SCN1A: variants seen among roughly 807,000 people sequenced by gnomAD.
SCN1A encodes sodium channel protein type 1 subunit alpha.
Under a neutral mutation model 193.7 loss-of-function variants are expected in SCN1A, and 13 were observed. The observed-to-expected ratio is 0.07, with a 90% CI of 0.04 to 0.11. The LOEUF (loss-of-function observed/expected upper bound fraction) is 0.11, where lower values mean the gene tolerates loss of function less well. Ranked by LOEUF, SCN1A falls within the 10% of genes least tolerant of loss-of-function variation. SCN1A has a pLI of 1.00. For missense variants in SCN1A, 1,432 were observed against 2,451.1 expected, an observed-to-expected ratio of 0.58 and a Z score of 8.78; for synonymous variants, 781 against 843.6, an observed-to-expected ratio of 0.93 and a Z score of 1.29.
chr2:166,009,703 CTTTCA>C lies in SCN1A; in HGVS notation c.4002+11_4002+15del. 6.2e-7 allele frequency: 1 copy of C among 1,600,192 alleles called. No homozygotes were observed. Among genetic ancestry groups the C allele is most frequent in the Non-Finnish European group, 8.5e-7 (1 of 1,171,644 alleles). ...TTGGCTATATACAATACTTCAGGTT[CTTTCA>C]TTTTTCTTACCCTCATCCCTTCAAA... On this transcript the variant is annotated intron_variant, in intron 23 of 28. Transcript: ENST00000674923.
Position 166,041,478 on chromosome 2 carries a change from A to AC in SCN1A, c.2177-10_2177-9insG, listed in dbSNP as rs1553543440. 1.6e-5 allele frequency: 22 copies of AC among 1,395,078 alleles called. No individual in the cohort carries two copies. Among genetic ancestry groups the AC allele is most frequent in the East Asian group, 1.5e-4 (6 of 40,854 alleles). 86.4% of individuals were successfully genotyped at this position (1,395,078 alleles called of 1,614,324 possible). A position where few individuals can be genotyped will look rare whatever the true frequency, so the allele number is the denominator to read the frequency against. ...CCTGGATTCTTCAAGTTCTAGATTAAGAAAAAAAAAAAAAAGAACCACCAA... is the reference window on the plus strand; with the variant it reads ...CCTGGATTCTTCAAGTTCTAGATTAACGAAAAAAAAAAAAAAGAACCACCAA... On this transcript the variant is annotated splice_polypyrimidine_tract_variant and intron_variant, in intron 15 of 28. Coordinates refer to ENST00000674923, the MANE Select transcript of SCN1A (RefSeq NM_001165963.4).
chr2:166,144,334 A>T (rs1258682585), intron 1 of SCN1A, among the ~76,000 whole-genome samples: 1 of 152,202 alleles, frequency 6.6e-6, no homozygotes, highest in East Asian at 1.9e-4. Flanking sequence ...CTGGGTCATC[A>T]GTGTGGTACC....
At chr2:166,008,304 T>C (rs920689603) in intron 23 of SCN1A, among the ~76,000 whole-genome samples, 3 of 151,212 alleles carry the variant, frequency 2.0e-5, no homozygotes, top group African/African-American at 7.3e-5. Context: ...TTTCAAATGG[T>C]CAAATGTAAA....
At chr2:166,011,154 T>G (rs1692389455) in intron 22 of SCN1A, among the ~76,000 whole-genome samples, 1 of 151,176 alleles carries the variant, frequency 6.6e-6, no homozygotes, top group South Asian at 2.1e-4. Flanking sequence ...CATTGTTAAG[T>G]TTTTTAAATA....
chr2:166,047,514 C>T (rs182808287), intron 11 of SCN1A, 113 bp downstream of exon 11: 1,699 of 1,187,324 alleles, frequency 1.4e-3, no homozygotes, highest in Non-Finnish European at 2.0e-3. Flanking sequence ...ACTCAAGTCT[C>T]GTTTCAAGTT....
At chr2:166,115,855 A>C (rs1298594087) in intron 2 of SCN1A, among the ~76,000 whole-genome samples, 2 of 152,220 alleles carry the variant, frequency 1.3e-5, no homozygotes, top group Non-Finnish European at 1.5e-5. Flanking sequence ...AAGACAGGGG[A>C]ATAAGCACAA....
At chr2:166,130,380 T>C (rs1216012055), upstream of SCN1A, among the ~76,000 whole-genome samples, 1 of 152,214 alleles carries the variant, frequency 6.6e-6, no homozygotes, top group Non-Finnish European at 1.5e-5. Context: ...GAGTTTACAT[T>C]GACATGTCAG....
chr2:166,116,614 TCAAATTCATCA>T (rs1689898156), intron 2 of SCN1A, among the ~76,000 whole-genome samples: 1 of 2,840 alleles, frequency 3.5e-4, no homozygotes, highest in East Asian at 0.023. Context: ...TGATGAATTA[TCAAATTCATCA>T]GATTCAGTGT....
At chr2:166,103,447 T>C (rs2106156588) in intron 2 of SCN1A, among the ~76,000 whole-genome samples, 1 of 133,940 alleles carries the variant, frequency 7.5e-6, no homozygotes. Context: ...CAAGACTCTG[T>C]CTTAAATAAA....
Position 166,044,001 on chromosome 2 carries a change from T to C in SCN1A, c.1711A>G (p.Arg571Gly). Residue 571 changes from arginine (R) to glycine (G), a missense_variant, in exon 14 of 29, where the codon AGA becomes GGA. By Grantham distance (125) the Arg-to-Gly change is moderately radical. Transcript: ENST00000674923. ...CCTCTAAAGCTGAAAAGGCTTGTTCTGCTATTTCGCCTTGGTGAAAATAGG... is the reference window on the plus strand; with the variant it reads ...CCTCTAAAGCTGAAAAGGCTTGTTCCGCTATTTCGCCTTGGTGAAAATAGG... ...GSLFSPRRNS[R>G]TSLFSFRGRA... 6.2e-7 allele frequency: 1 copy of C among 1,614,190 alleles called. No homozygotes were observed. Among genetic ancestry groups the C allele is most frequent in the Non-Finnish European group, 8.5e-7 (1 of 1,180,018 alleles).
upstream of SCN1A, among the ~76,000 whole-genome samples, chr2:166,128,205 A>G (rs945174062): frequency 6.6e-6 from 1 of 151,918 alleles, no homozygotes; most frequent in African/African-American, 2.4e-5. Context: ...ATCTCCCAGT[A>G]TTGCTTCTCC....
At chr2:166,145,106 G>T (rs1237559371) in intron 1 of SCN1A, among the ~76,000 whole-genome samples, 2 of 150,222 alleles carry the variant, frequency 1.3e-5, no homozygotes, top group African/African-American at 4.9e-5. Context: ...AAAGTGTTGG[G>T]ATTACAGGCG....
chr2:166,110,461 T>G (rs1689173532), intron 2 of SCN1A, among the ~76,000 whole-genome samples: 1 of 152,116 alleles, frequency 6.6e-6, no homozygotes, highest in Non-Finnish European at 1.5e-5. Context: ...ATGAAGAAAG[T>G]CTGAACAAAA....
Position 166,082,932 on chromosome 2 carries a change from A to T in SCN1A, c.-141-5131T>A, listed in dbSNP as rs74835477. On this transcript the variant is annotated intron_variant, in intron 2 of 28. Transcript: ENST00000674923. ...CATCTCCTTGTAAAGAGCTATTACT[A>T]TTCTGGGGACATAAACCATCTGGGC... is the stretch of plus-strand genomic sequence containing the variant. Among the ~76,000 whole-genome samples the T allele has an allele frequency of 5.1e-3, 772 of 152,198 alleles. 10 individuals are homozygous for T. The highest frequency in any genetic ancestry group is 0.017 in the African/African-American group (697 of 41,570).
intron 5 of SCN1A, 79 bp from the exon 6 acceptor site, chr2:166,056,579 C>T: frequency 9.9e-7 from 1 of 1,009,892 alleles, no homozygotes; most frequent in East Asian, 2.4e-5. Context: ...TTGAAAAGCC[C>T]AAACTGCAGC....
intron 17 of SCN1A, among the ~76,000 whole-genome samples, chr2:166,038,380 A>G (rs948832309): frequency 2.7e-5 from 4 of 150,686 alleles, no homozygotes; most frequent in Non-Finnish European, 4.4e-5. Context: ...TTCTTTTGTC[A>G]CCCAGGCGGG....
downstream of SCN1A, chr2:165,985,280 G>A (rs1688541525): frequency 6.7e-6 from 1 of 149,198 alleles, no homozygotes; most frequent in South Asian, 2.1e-4. Context: ...AAGGAAGGAA[G>A]GAGAGGGAGA....
At position 166,044,111 on chromosome 2, in the gene SCN1A, C is replaced by T. The variant is rs1002079328; in HGVS notation, c.1663-62G>A. On this transcript the variant is annotated intron_variant, in intron 13 of 28. Coordinates refer to ENST00000674923, the MANE Select transcript of SCN1A (RefSeq NM_001165963.4). ...TAATATGGACATTTGAATGTGATTTCATTTTGCAAGATTATGTAGAAGGAG... is the reference window on the plus strand; with the variant it reads ...TAATATGGACATTTGAATGTGATTTTATTTTGCAAGATTATGTAGAAGGAG... The T allele has an allele frequency of 6.4e-6, 10 of 1,571,652 alleles. No homozygotes were observed. The African/African-American group carries it at 9.5e-5, about 15-fold the overall frequency.
At chr2:166,035,581 C>T (rs1016065681) in intron 19 of SCN1A, among the ~76,000 whole-genome samples, 5 of 152,090 alleles carry the variant, frequency 3.3e-5, no homozygotes, top group African/African-American at 1.2e-4. Context: ...TATTGTACAT[C>T]AAAACTTACT....
Sources: gnomAD v4.1 joint callset for allele counts (sites outside exome capture counted in the v4.1 genomes callset) on GRCh38, gnomAD v4.1.1 for gene constraint, MANE v1.5 for transcripts, NCBI Gene and HGNC (gene_info 2026-07-23, HGNC 2026-07-21) for gene names.